Variants in SLC24A2 observed in about 807,000 individuals in gnomAD.
SLC24A2 encodes solute carrier family 24 member 2, also known as sodium/potassium/calcium exchanger 2.
Under a neutral mutation model 62.0 loss-of-function variants are expected in SLC24A2, and 36 were observed. That is an observed-to-expected ratio of 0.58 (90% CI 0.44 to 0.77). The LOEUF (loss-of-function observed/expected upper bound fraction) is 0.77, where lower values mean the gene tolerates loss of function less well. Among genes scored for constraint, SLC24A2 ranks in the 30% least tolerant of loss-of-function variants. SLC24A2 has a pLI of 0.00. For synonymous variants in SLC24A2, 358 were observed against 294.0 expected (o/e 1.22, Z -2.23); for missense variants, 846 against 817.9 (o/e 1.03, Z -0.42).
At chr9:20,182,784 CA>C in the SLC24A2 span, among the ~76,000 whole-genome samples, 1 of 151,720 alleles carries the variant, frequency 6.6e-6, no homozygotes, top group African/African-American at 2.4e-5. Flanking sequence ...AAGTATGATA[CA>C]AAAAAGAAGC....
the SLC24A2 span, among the ~76,000 whole-genome samples, chr9:19,833,547 G>C: frequency 6.6e-6 from 1 of 152,230 alleles, no homozygotes; most frequent in Non-Finnish European, 1.5e-5. Context: ...CCGCCATTGC[G>C]CAGGCTTGAG....
At chr9:20,163,585 C>G in the SLC24A2 span, among the ~76,000 whole-genome samples, 1 of 152,172 alleles carries the variant, frequency 6.6e-6, no homozygotes, top group African/African-American at 2.4e-5. Flanking sequence ...CAATGCCATC[C>G]CCATCAAGCT....
chr9:19,712,190 A>G (rs1392811193), intron 2 of SLC24A2, among the ~76,000 whole-genome samples: 2 of 152,220 alleles, frequency 1.3e-5, no homozygotes, highest in Non-Finnish European at 2.9e-5. Flanking sequence ...CGAGGATTCC[A>G]TATGGCTGTT....
the SLC24A2 span, among the ~76,000 whole-genome samples, chr9:19,964,452 T>C: frequency 6.6e-6 from 1 of 152,096 alleles, no homozygotes; most frequent in Non-Finnish European, 1.5e-5. Flanking sequence ...AAATGCTAGG[T>C]GCATGCTAAG....
the SLC24A2 span, among the ~76,000 whole-genome samples, chr9:19,946,379 G>A: frequency 3.3e-5 from 5 of 152,208 alleles, no homozygotes; most frequent in African/African-American, 1.2e-4. Flanking sequence ...AATGGGCCTT[G>A]AGTTTCCCAC....
the SLC24A2 span, among the ~76,000 whole-genome samples, chr9:19,843,546 CA>C: frequency 1.3e-5 from 2 of 152,072 alleles, no homozygotes; most frequent in Non-Finnish European, 1.5e-5. Context: ...ATTTTAGATT[CA>C]GGGGGTCCAT....
intron 2 of SLC24A2, among the ~76,000 whole-genome samples, chr9:19,702,068 T>A (rs1587178788): frequency 6.6e-6 from 1 of 152,212 alleles, no homozygotes; most frequent in South Asian, 2.1e-4. Context: ...TCTGACCGAT[T>A]TTATTTCTTC....
chr9:20,037,716 G>T, the SLC24A2 span, among the ~76,000 whole-genome samples: 2 of 152,170 alleles, frequency 1.3e-5, no homozygotes, highest in African/African-American at 4.8e-5. Flanking sequence ...TGCCTCCCAA[G>T]AAATATTTGG....
chr9:20,216,747 T>C, the SLC24A2 span, among the ~76,000 whole-genome samples: 2 of 152,206 alleles, frequency 1.3e-5, no homozygotes, highest in Non-Finnish European at 2.9e-5. Flanking sequence ...TCTCAATGAA[T>C]GTTTTTAAGC....
At chr9:20,260,707 A>G in the SLC24A2 span, among the ~76,000 whole-genome samples, 2 of 152,050 alleles carry the variant, frequency 1.3e-5, no homozygotes, top group Non-Finnish European at 2.9e-5. Context: ...GGCTACATGA[A>G]TAAGTTCTTT....
chr9:20,149,669 G>A, the SLC24A2 span, among the ~76,000 whole-genome samples: 2 of 151,954 alleles, frequency 1.3e-5, no homozygotes, highest in Admixed American at 1.3e-4. Context: ...TAATTTTCAT[G>A]TGTCAACAAT....
At chr9:20,096,068 TATCCATCC>T in the SLC24A2 span, among the ~76,000 whole-genome samples, 1,603 of 149,888 alleles carry the variant, frequency 0.011, 35 homozygotes, top group African/African-American at 0.037. Flanking sequence ...ACCATATCTG[TATCCATCC>T]ATCCATCCAT....
chr9:19,892,802 C>T, the SLC24A2 span, among the ~76,000 whole-genome samples: 1 of 152,052 alleles, frequency 6.6e-6, no homozygotes, highest in Non-Finnish European at 1.5e-5. Context: ...CCCAAGGTCA[C>T]ACAGATGGTA....
chr9:20,232,049 A>G, the SLC24A2 span, among the ~76,000 whole-genome samples: 1 of 152,068 alleles, frequency 6.6e-6, no homozygotes, highest in Non-Finnish European at 1.5e-5. Context: ...ATTGATTTGC[A>G]TATGTTGAAC....
the SLC24A2 span, among the ~76,000 whole-genome samples, chr9:19,961,936 C>T: frequency 2.6e-5 from 4 of 152,312 alleles, no homozygotes; most frequent in African/African-American, 4.8e-5. Context: ...ACCAGAACCA[C>T]CCAGATAAAC....
At chr9:19,890,876 C>T in the SLC24A2 span, among the ~76,000 whole-genome samples, 1 of 152,160 alleles carries the variant, frequency 6.6e-6, no homozygotes, top group East Asian at 1.9e-4. Flanking sequence ...TCATTAGCTA[C>T]AGAATCATCC....
chr9:20,272,263 T>G, the SLC24A2 span, among the ~76,000 whole-genome samples: 2 of 152,206 alleles, frequency 1.3e-5, no homozygotes, highest in East Asian at 1.9e-4. Context: ...CTCAGTAGTA[T>G]AGCAAACATC....
At chr9:20,035,386 A>T in the SLC24A2 span, among the ~76,000 whole-genome samples, 1 of 152,182 alleles carries the variant, frequency 6.6e-6, no homozygotes, top group East Asian at 1.9e-4. Flanking sequence ...CTTAATTAAG[A>T]TGTATAAGTT....
At chr9:20,067,251 A>C in the SLC24A2 span, among the ~76,000 whole-genome samples, 1 of 152,202 alleles carries the variant, frequency 6.6e-6, no homozygotes, top group East Asian at 1.9e-4. Context: ...ATGATATTTT[A>C]AACATAATTT....
Sources: gnomAD v4.1 joint callset for allele counts (sites outside exome capture counted in the v4.1 genomes callset) on GRCh38, gnomAD v4.1.1 for gene constraint, MANE v1.5 for transcripts, NCBI Gene and HGNC (gene_info 2026-07-23, HGNC 2026-07-21) for gene names.